The following CDC73 variants were observed in gnomAD, a reference collection of about 807,000 sequenced individuals.
The protein encoded by CDC73 is parafibromin.
CDC73 carries 21 observed loss-of-function variants against 83.7 expected under a neutral mutation model. The observed-to-expected ratio is 0.25, with a 90% CI of 0.18 to 0.36. The LOEUF is 0.36. Ranked by LOEUF, CDC73 falls within the 10% of genes least tolerant of loss-of-function variation. The pLI is 1.00. For synonymous variants in CDC73, 224 were observed against 212.9 expected (o/e 1.05, Z -0.45); for missense variants, 342 against 653.3 (o/e 0.52, Z 5.19).
chr1:193,238,112 A>T (rs1677794153), intron 15 of CDC73, among the ~76,000 whole-genome samples: 1 of 152,192 alleles, frequency 6.6e-6, no homozygotes, highest in African/African-American at 2.4e-5. Context: ...TTTTGTTCAA[A>T]TTTAGTCTTC....
intron 10 of CDC73, among the ~76,000 whole-genome samples, chr1:193,194,884 C>T (rs1676976335): frequency 6.6e-6 from 1 of 151,992 alleles, no homozygotes; most frequent in Admixed American, 6.5e-5. Flanking sequence ...CCAATAGAAT[C>T]TGTTTCTATA....
intron 3 of CDC73, among the ~76,000 whole-genome samples, chr1:193,132,846 A>G (rs1031793285): frequency 1.3e-5 from 2 of 151,206 alleles, no homozygotes; most frequent in African/African-American, 4.9e-5. Context: ...TTTTCTTTTT[A>G]GAATCAAAAG....
At chr1:193,222,045 A>C (rs1677479423) in intron 13 of CDC73, among the ~76,000 whole-genome samples, 1 of 152,238 alleles carries the variant, frequency 6.6e-6, no homozygotes, top group Admixed American at 6.5e-5. Context: ...TGAAACAAAA[A>C]AAAATAATAA....
chr1:193,194,952 A>T (rs1558306762), intron 10 of CDC73, among the ~76,000 whole-genome samples: 1 of 152,156 alleles, frequency 6.6e-6, no homozygotes. Flanking sequence ...ACACACATAT[A>T]GATTTAGTAT....
At chr1:193,233,394 T>C (rs560209955) in intron 14 of CDC73, among the ~76,000 whole-genome samples, 1 of 152,366 alleles carries the variant, frequency 6.6e-6, no homozygotes, top group Admixed American at 6.5e-5. Context: ...TTGTTTTCTG[T>C]ATATTGTTGG....
chr1:193,140,180 A>G (rs1368443721), intron 6 of CDC73, among the ~76,000 whole-genome samples: 2 of 152,100 alleles, frequency 1.3e-5, no homozygotes, highest in African/African-American at 4.8e-5. Context: ...CATAGGGCTT[A>G]CCTTGTTTGT....
At chr1:193,188,979 A>G (rs1183380131) in intron 10 of CDC73, among the ~76,000 whole-genome samples, 6 of 145,846 alleles carry the variant, frequency 4.1e-5, no homozygotes, top group Admixed American at 6.8e-5. Context: ...TTGGAGACAG[A>G]GTTTTGCTCT....
At chr1:193,166,317 A>G (rs571566927) in intron 10 of CDC73, among the ~76,000 whole-genome samples, 5 of 152,230 alleles carry the variant, frequency 3.3e-5, no homozygotes, top group Admixed American at 6.5e-5. Flanking sequence ...TGCAATGCCC[A>G]GCTAATTTTG....
chr1:193,135,068 A>G (rs975112111), intron 3 of CDC73, among the ~76,000 whole-genome samples: 1 of 152,102 alleles, frequency 6.6e-6, no homozygotes, highest in Non-Finnish European at 1.5e-5. Context: ...GTGTATATAT[A>G]TATTTATGTG....
chr1:193,163,150 G>T (rs956983625), intron 10 of CDC73, among the ~76,000 whole-genome samples: 74 of 145,930 alleles, frequency 5.1e-4, no homozygotes, highest in African/African-American at 1.7e-3. Context: ...ACTTTGTGGG[G>T]TTGTGTGTGT....
chr1:193,150,726 A>G (rs1026460493), intron 9 of CDC73, among the ~76,000 whole-genome samples: 1 of 152,196 alleles, frequency 6.6e-6, no homozygotes, highest in African/African-American at 2.4e-5. Flanking sequence ...CTTATGTCGT[A>G]GTAACTTTTT....
chr1:193,215,816 C>T (rs552552055), intron 13 of CDC73, among the ~76,000 whole-genome samples: 16 of 152,224 alleles, frequency 1.1e-4, no homozygotes, highest in African/African-American at 3.9e-4. Flanking sequence ...TCTCGAACTC[C>T]TGGGCCCAAG....
At chr1:193,162,083 C>T (rs111214189) in intron 10 of CDC73, among the ~76,000 whole-genome samples, 1 of 4,142 alleles carries the variant, frequency 2.4e-4, no homozygotes, top group Admixed American at 4.7e-3. Flanking sequence ...TAATATATAT[C>T]ATATTATATT....
At position 193,250,935 on chromosome 1, in the gene CDC73, T is replaced by A. The variant is rs1014706292; in HGVS notation, c.*223T>A. The A allele has an allele frequency of 5.7e-6, 3 of 524,838 alleles. No individual in the cohort carries two copies. Among genetic ancestry groups the A allele is most frequent in the Non-Finnish European group, 1.0e-5 (3 of 293,414 alleles). 32.5% of individuals were successfully genotyped at this position (524,838 alleles called of 1,614,324 possible). The stretch of plus-strand genomic sequence containing the variant: ...CTGTAATGGAAATTGTATATTTTGA[T>A]AGAAGTTTTTTCTCCATTGGTTAAA... On this transcript the variant is annotated 3_prime_UTR_variant, in exon 17 of 17. Transcript: ENST00000367435.
At position 193,188,786 on chromosome 1, in the gene CDC73, TC is replaced by T. The variant is rs534653826; in HGVS notation, c.973-15006del. On this transcript the variant is annotated intron_variant, in intron 10 of 16. Transcript: ENST00000367435. ...TGGGTCCCTCCAGTATCGGATTGAGTCCCTGAATTTCCAGTGGGACCCCCCC... is the reference window on the plus strand; with the variant it reads ...TGGGTCCCTCCAGTATCGGATTGAGTCCTGAATTTCCAGTGGGACCCCCCC... Among the ~76,000 whole-genome samples the T allele has an allele frequency of 5.3e-4, 81 of 152,018 alleles. 4 individuals are homozygous for T. The South Asian group carries it at 0.015, about 27-fold the overall frequency.
At chr1:193,193,967 G>C (rs1274311744) in intron 10 of CDC73, among the ~76,000 whole-genome samples, 2 of 152,048 alleles carry the variant, frequency 1.3e-5, no homozygotes, top group Non-Finnish European at 2.9e-5. Context: ...CTTTCTACAT[G>C]TATGCCAGTA....
chr1:193,185,062 T>C (rs1676782801), intron 10 of CDC73, among the ~76,000 whole-genome samples: 1 of 152,064 alleles, frequency 6.6e-6, no homozygotes, highest in East Asian at 1.9e-4. Flanking sequence ...ACACATATAG[T>C]GGCGGTAGTT....
intron 10 of CDC73, among the ~76,000 whole-genome samples, chr1:193,200,774 T>TGC (rs966601709): frequency 7.2e-5 from 11 of 152,110 alleles, no homozygotes; most frequent in African/African-American, 1.9e-4. Context: ...TGTGTGTGTG[T>TGC]GCGCGCGTGC....
chr1:193,200,186 T>C (rs919738107), intron 10 of CDC73, among the ~76,000 whole-genome samples: 3 of 152,162 alleles, frequency 2.0e-5, no homozygotes, highest in Non-Finnish European at 2.9e-5. Context: ...ATTGCACCAC[T>C]GCACTGCAAC....
Sources: allele counts gnomAD v4.1 joint callset (sites outside exome capture counted in the v4.1 genomes callset), GRCh38; gene constraint gnomAD v4.1.1; transcripts MANE v1.5; gene names NCBI Gene and HGNC (gene_info 2026-07-23, HGNC 2026-07-21).